The following TXK variants were observed in gnomAD, a reference collection of about 807,000 sequenced individuals.
TXK encodes TXK tyrosine kinase.
TXK carries 60 observed loss-of-function variants against 81.0 expected under a neutral mutation model. The observed-to-expected ratio is 0.74, with a 90% CI of 0.60 to 0.92. The LOEUF is 0.92. Among genes scored for constraint, TXK ranks in the 40% least tolerant of loss-of-function variants. The pLI is 0.00. For missense variants in TXK, 581 were observed against 638.3 expected (o/e 0.91, Z 0.97); for synonymous variants, 203 against 210.7 (o/e 0.96, Z 0.32).
intron 5 of TXK, among the ~76,000 whole-genome samples, chr4:48,109,912 G>A (rs530783300): frequency 6.6e-6 from 1 of 152,308 alleles, no homozygotes; most frequent in East Asian, 1.9e-4. Context: ...GATGAAGGTA[G>A]GGGGAGATGC....
intron 10 of TXK, among the ~76,000 whole-genome samples, chr4:48,082,019 C>T (rs1240218860): frequency 2.0e-5 from 3 of 152,140 alleles, no homozygotes; most frequent in Non-Finnish European, 4.4e-5. Context: ...CCATCTCTTG[C>T]CCTCTGACAT....
At chr4:48,076,345 T>C in intron 12 of TXK, 57 bp downstream of exon 12, 1 of 1,256,440 alleles carries the variant, frequency 8.0e-7, no homozygotes, top group Non-Finnish European at 1.1e-6. Flanking sequence ...AAATGTAAGA[T>C]TCCCTCTTAT....
chr4:48,132,646 G>A (rs962231763), intron 1 of TXK, among the ~76,000 whole-genome samples: 1 of 152,098 alleles, frequency 6.6e-6, no homozygotes, highest in African/African-American at 2.4e-5. Context: ...CTTAAATCCC[G>A]AGTCTGGCAA....
At chr4:48,098,875 G>C (rs998234976) in intron 6 of TXK, among the ~76,000 whole-genome samples, 3 of 152,138 alleles carry the variant, frequency 2.0e-5, no homozygotes, top group Non-Finnish European at 4.4e-5. Flanking sequence ...AGAGGCTGCA[G>C]TGAGCTGAGA....
chr4:48,119,865 G>A (rs1222336837), intron 1 of TXK, among the ~76,000 whole-genome samples: 1 of 152,056 alleles, frequency 6.6e-6, no homozygotes, highest in African/African-American at 2.4e-5. Context: ...CTGTTTTAGA[G>A]CCCCAAATAG....
At position 48,089,782 on chromosome 4, in the gene TXK, C is replaced by T; in HGVS notation, c.752G>A (p.Ser251Asn). 6.2e-7 allele frequency: 1 copy of T among 1,613,682 alleles called. No homozygotes were observed. Among genetic ancestry groups the T allele is most frequent in the Non-Finnish European group, 8.5e-7 (1 of 1,179,710 alleles). ...RLRYPVGLMG[S>N]CLPATAGFSY... ...AAACCCAGCTGTGGCTGGTAAACAA[C>T]TGCCCATCAGCCCAACTGGATATCG... The change falls in exon 9 of 15, where the codon AGT becomes AAT. Residue 251 changes from serine to asparagine, a missense_variant. Ser to Asn is a conservative substitution (Grantham distance 46). Transcript: ENST00000264316.
chr4:48,120,332 ATATACACATATATACGTATATACGTATG>A (rs1296691924), intron 1 of TXK, among the ~76,000 whole-genome samples: 2 of 149,956 alleles, frequency 1.3e-5, no homozygotes, highest in African/African-American at 4.9e-5. Context: ...ATATACGTAT[ATATACACATATATACGTATATACGTATG>A]TATATATAAA....
Position 48,071,516 on chromosome 4 carries a change from C to T in TXK, c.1515+1G>A. 1 of 1,612,706 alleles carries T rather than the reference C, an allele frequency of 6.2e-7. No individual in the cohort carries two copies. The highest frequency in any genetic ancestry group is 8.5e-7 in the Non-Finnish European group (1 of 1,179,502). ...TTCATAGGAAAGTAACATATGCTTA[C>T]CTCATGCCAGCAGCTGTACATGACT... On this transcript the variant is annotated splice_donor_variant, in intron 14 of 14. Transcript: ENST00000264316. LOFTEE classifies it high-confidence loss of function.
At chr4:48,114,878 G>A (rs1262402478) in intron 1 of TXK, among the ~76,000 whole-genome samples, 1 of 151,762 alleles carries the variant, frequency 6.6e-6, no homozygotes, top group African/African-American at 2.4e-5. Context: ...CGTATTTATT[G>A]TAATTAAAAA....
At chr4:48,083,203 G>C (rs1293016608) in intron 10 of TXK, among the ~76,000 whole-genome samples, 2 of 152,196 alleles carry the variant, frequency 1.3e-5, no homozygotes, top group Non-Finnish European at 2.9e-5. Context: ...TGTTGGGCTA[G>C]AGCCCAAAAG....
rs146895103 is a variant in TXK at position 48,101,088 on chromosome 4, T to C, written c.501+3813A>G. Among the ~76,000 whole-genome samples, 478 of 152,166 alleles carry C rather than the reference T, an allele frequency of 3.1e-3. 3 individuals are homozygous for C. Among genetic ancestry groups the C allele is most frequent in the African/African-American group, 0.011 (452 of 41,560 alleles). On this transcript the variant is annotated intron_variant, in intron 6 of 14. Transcript: ENST00000264316. ...GGAAATTGGTGGCTTGCAGACAAGA[T>C]GGAAGAAAACTTTCCAAAATCTTTC...
At chr4:48,074,638 C>T (rs1577647234) in intron 12 of TXK, among the ~76,000 whole-genome samples, 1 of 152,140 alleles carries the variant, frequency 6.6e-6, no homozygotes, top group African/African-American at 2.4e-5. Flanking sequence ...ACAAGTTGAA[C>T]CCTCTCTCTT....
chr4:48,114,022 G>A (rs538360419), intron 2 of TXK, among the ~76,000 whole-genome samples: 1 of 152,274 alleles, frequency 6.6e-6, no homozygotes, highest in South Asian at 2.1e-4. Context: ...ACTAAGATAG[G>A]ATTCTTGCCC....
In TXK at chr4:48,080,088, A is replaced by G. The variant is rs1006473049; in HGVS notation, c.997T>C (p.Cys333Arg). The G allele has an allele frequency of 1.2e-5, 19 of 1,613,972 alleles. No homozygotes were observed. The highest frequency in any genetic ancestry group is 1.6e-5 in the Non-Finnish European group (19 of 1,179,980). The change falls in exon 11 of 15, where the codon TGT becomes CGT. Residue 333 changes from cysteine to arginine, a missense_variant. By Grantham distance (180) the Cys-to-Arg change is radical (BLOSUM62 -3). Coordinates refer to ENST00000264316, the MANE Select transcript of TXK (RefSeq NM_003328.3). The stretch of plus-strand genomic sequence containing the variant: ...ATGTAAAGGGGCTTCCGCTGTATAC[A>G]GACTCCATAAAGTTGCACTAGCTTT... Reference protein sequence around the residue: ...HSKLVQLYGVCIQRKPLYIVT... With the variant: ...HSKLVQLYGVRIQRKPLYIVT...
chr4:48,083,656 C>T (rs945769393), intron 10 of TXK, among the ~76,000 whole-genome samples: 11 of 152,178 alleles, frequency 7.2e-5, no homozygotes, highest in Non-Finnish European at 1.3e-4. Context: ...GGTGAGGATT[C>T]ATTAATTCAT....
chr4:48,127,655 C>T (rs1012180282), intron 1 of TXK, among the ~76,000 whole-genome samples: 1 of 152,240 alleles, frequency 6.6e-6, no homozygotes, highest in African/African-American at 2.4e-5. Flanking sequence ...CCCAGGCTTA[C>T]ATCTGCGCTG....
At chr4:48,069,579 G>A (rs1716756735) in intron 14 of TXK, among the ~76,000 whole-genome samples, 1 of 151,976 alleles carries the variant, frequency 6.6e-6, no homozygotes, top group South Asian at 2.1e-4. Context: ...GCCCACCTCA[G>A]CCTCCCAAAG....
At chr4:48,076,889 A>G (rs973460389) in intron 11 of TXK, among the ~76,000 whole-genome samples, 9 of 152,172 alleles carry the variant, frequency 5.9e-5, no homozygotes, top group Admixed American at 4.6e-4. Context: ...TTGGCTTCCC[A>G]AAGTGCTGGG....
intron 14 of TXK, among the ~76,000 whole-genome samples, chr4:48,069,618 A>G (rs1277550282): frequency 6.6e-6 from 1 of 151,914 alleles, no homozygotes; most frequent in Admixed American, 6.6e-5. Context: ...GAGCCACCAC[A>G]CCCGGCCAAA....
Sources: allele counts gnomAD v4.1 joint callset (sites outside exome capture counted in the v4.1 genomes callset), GRCh38; gene constraint gnomAD v4.1.1; transcripts MANE v1.5; gene names NCBI Gene and HGNC (gene_info 2026-07-23, HGNC 2026-07-21).